DIP2B: variants seen among roughly 807,000 people sequenced by gnomAD.
DIP2B encodes the protein DIP2 acetate--CoA ligase B (putative).
Under a neutral mutation model 198.0 loss-of-function variants are expected in DIP2B, and 76 were observed. That is an observed-to-expected ratio of 0.38 (90% confidence interval 0.32 to 0.46). The LOEUF is 0.46. Ranked by LOEUF, DIP2B falls within the 20% of genes least tolerant of loss-of-function variation. The probability of loss-of-function intolerance (pLI) is 0.99; values close to 1 mark genes in which losing one functional copy is unlikely to be tolerated. For missense variants in DIP2B, 1,559 were observed against 1,978.4 expected (o/e 0.79, Z 4.02); for synonymous variants, 701 against 739.1 (o/e 0.95, Z 0.84).
At chr12:50,713,796 G>A (rs1229911014) in intron 22 of DIP2B, among the ~76,000 whole-genome samples, 1 of 30,302 alleles carries the variant, frequency 3.3e-5, no homozygotes, top group East Asian at 3.8e-4. Flanking sequence ...CATATTGGCT[G>A]GGCATGGTAT....
intron 19 of DIP2B, among the ~76,000 whole-genome samples, chr12:50,700,050 G>T (rs768689640): frequency 6.5e-4 from 99 of 152,118 alleles, no homozygotes; most frequent in Non-Finnish European, 1.2e-3. Context: ...CAGGAGTCAG[G>T]TTGCTCATAT....
At chr12:50,624,902 C>T (rs1266646722) in intron 1 of DIP2B, among the ~76,000 whole-genome samples, 1 of 152,170 alleles carries the variant, frequency 6.6e-6, no homozygotes, top group Non-Finnish European at 1.5e-5. Context: ...TCATCCACTG[C>T]AGCATTGGAG....
chr12:50,542,400 CTGTCT>C (rs1958334915), intron 1 of DIP2B, among the ~76,000 whole-genome samples: 1 of 151,416 alleles, frequency 6.6e-6, no homozygotes, highest in African/African-American at 2.4e-5. Context: ...TAGTTTTTTC[CTGTCT>C]TAATTTTCTC....
chr12:50,553,457 C>G (rs563624041), intron 1 of DIP2B, among the ~76,000 whole-genome samples: 3 of 152,206 alleles, frequency 2.0e-5, no homozygotes, highest in Non-Finnish European at 2.9e-5. Context: ...TTAAGCAATC[C>G]TGAATGTAAC....
At chr12:50,660,349 C>A in intron 4 of DIP2B, 30 bp downstream of exon 4, 1 of 1,572,040 alleles carries the variant, frequency 6.4e-7, no homozygotes, top group Non-Finnish European at 8.6e-7. Context: ...TTCTCTCTGA[C>A]AGTTAATACC....
At chr12:50,547,748 G>A (rs143828687) in intron 1 of DIP2B, among the ~76,000 whole-genome samples, 344 of 152,298 alleles carry the variant, frequency 2.3e-3, no homozygotes, top group African/African-American at 7.9e-3. Flanking sequence ...GTGACACTAT[G>A]TATAGCATGA....
chr12:50,551,556 A>C (rs912868906), intron 1 of DIP2B, among the ~76,000 whole-genome samples: 1 of 152,080 alleles, frequency 6.6e-6, no homozygotes, highest in African/African-American at 2.4e-5. Flanking sequence ...CCATCCTCCA[A>C]CCTCACCCTC....
In DIP2B at chr12:50,554,396, T is replaced by C. The variant is rs75222369; in HGVS notation, c.100+49156T>C. Among the ~76,000 whole-genome samples, 194 of 152,344 alleles carry C rather than the reference T, an allele frequency of 1.3e-3. 1 individual carries two copies. Among genetic ancestry groups the C allele is most frequent in the African/African-American group, 4.5e-3 (186 of 41,576 alleles). ...ATACTTTTATTTTTTTCTTTTCTGC[T>C]TAGATTTTGTTTTCTCTGTAATTGC... On this transcript the variant is annotated intron_variant, in intron 1 of 37. Transcript: ENST00000301180.
intron 1 of DIP2B, among the ~76,000 whole-genome samples, chr12:50,515,987 T>C (rs1958059931): frequency 6.6e-6 from 1 of 152,170 alleles, no homozygotes; most frequent in African/African-American, 2.4e-5. Flanking sequence ...TTATAAATGA[T>C]AGAAATTTAT....
intron 5 of DIP2B, 100 bp downstream of exon 5, chr12:50,671,498 C>A (rs958673845): frequency 3.8e-5 from 45 of 1,174,768 alleles, no homozygotes; most frequent in Non-Finnish European, 4.8e-5. Context: ...TCAGTATGGC[C>A]TAAAAAAAAG....
chr12:50,549,712 A>AAAG (rs1958410111), intron 1 of DIP2B, among the ~76,000 whole-genome samples: 1 of 150,768 alleles, frequency 6.6e-6, no homozygotes, highest in Non-Finnish European at 1.5e-5. Flanking sequence ...AAAAAAAAAA[A>AAAG]AAAAAAAAAG....
chr12:50,703,910 T>TAC (rs996995482), intron 19 of DIP2B, among the ~76,000 whole-genome samples: 5 of 150,336 alleles, frequency 3.3e-5, no homozygotes, highest in African/African-American at 1.2e-4. Context: ...TATTTATATA[T>TAC]ACATATTTTT....
intron 2 of DIP2B, among the ~76,000 whole-genome samples, chr12:50,640,012 G>A (rs1215653245): frequency 1.3e-5 from 2 of 152,036 alleles, no homozygotes; most frequent in African/African-American, 4.8e-5. Context: ...TTATAACATC[G>A]TGCCTTATTA....
At chr12:50,662,085 C>T (rs1416853315) in intron 4 of DIP2B, among the ~76,000 whole-genome samples, 1 of 151,972 alleles carries the variant, frequency 6.6e-6, no homozygotes, top group Non-Finnish European at 1.5e-5. Flanking sequence ...TAATGTTCTC[C>T]TCTGTCTGCA....
intron 12 of DIP2B, among the ~76,000 whole-genome samples, chr12:50,688,454 C>T (rs973882103): frequency 7.9e-5 from 12 of 152,024 alleles, no homozygotes; most frequent in Admixed American, 1.3e-4. Context: ...GAATTCAAGA[C>T]TAACCTGAGT....
chr12:50,708,339 C>A, intron 21 of DIP2B, 109 bp from the exon 22 acceptor site: 1 of 847,064 alleles, frequency 1.2e-6, no homozygotes, highest in Non-Finnish European at 1.9e-6. Context: ...CTAAGCTACT[C>A]GTTTTGGGTA....
chr12:50,599,611 G>A (rs1000061805), intron 1 of DIP2B, among the ~76,000 whole-genome samples: 4 of 152,076 alleles, frequency 2.6e-5, no homozygotes, highest in Admixed American at 2.6e-4. Context: ...GCAAGACTCA[G>A]TCTCAAAAAA....
intron 36 of DIP2B, 53 bp from the exon 37 acceptor site, chr12:50,741,363 T>C (rs1940239128): frequency 3.1e-6 from 5 of 1,591,036 alleles, no homozygotes; most frequent in Admixed American, 1.7e-5. Context: ...TCCAGTGTTA[T>C]GTTGCACTCA....
intron 1 of DIP2B, among the ~76,000 whole-genome samples, chr12:50,546,187 A>G (rs1191808742): frequency 6.6e-6 from 1 of 152,260 alleles, no homozygotes; most frequent in East Asian, 1.9e-4. Flanking sequence ...AATATGCATA[A>G]GTATAGCAAA....
Sources: gnomAD v4.1 joint callset for allele counts (sites outside exome capture counted in the v4.1 genomes callset) on GRCh38, gnomAD v4.1.1 for gene constraint, MANE v1.5 for transcripts, NCBI Gene and HGNC (gene_info 2026-07-23, HGNC 2026-07-21) for gene names.